Variants in SOX5 observed in about 807,000 individuals in gnomAD.
SOX5 encodes SRY-box transcription factor 5, also known as transcription factor SOX-5.
Under a neutral mutation model 92.0 loss-of-function variants are expected in SOX5, and 9 were observed. That is an observed-to-expected ratio of 0.10 (90% confidence interval 0.06 to 0.17). SOX5 has a LOEUF of 0.17. Among genes scored for constraint, SOX5 ranks in the 10% least tolerant of loss-of-function variants. The pLI is 1.00. For synonymous variants in SOX5, 344 were observed against 336.3 expected (o/e 1.02, Z -0.25); for missense variants, 642 against 944.5 (o/e 0.68, Z 4.20).
intron 8 of SOX5, among the ~76,000 whole-genome samples, chr12:23,625,664 C>A (rs560296141): frequency 6.6e-6 from 1 of 152,120 alleles, no homozygotes; most frequent in Non-Finnish European, 1.5e-5. Context: ...GGCTGGTGTG[C>A]GGTGGCGTGA....
intron 2 of SOX5, among the ~76,000 whole-genome samples, chr12:23,854,685 G>C (rs999369410): frequency 6.6e-6 from 1 of 151,996 alleles, no homozygotes; most frequent in Non-Finnish European, 1.5e-5. Context: ...ATAAAGATGG[G>C]TTAAGCACAG....
intron 6 of SOX5, among the ~76,000 whole-genome samples, chr12:23,680,182 C>T (rs903189810): frequency 1.3e-5 from 2 of 151,138 alleles, no homozygotes; most frequent in African/African-American, 4.9e-5. Context: ...AAAAATTAGC[C>T]AGGTGTGGTG....
At chr12:24,559,778 T>C (rs1051372298) in intron 1 of SOX5, among the ~76,000 whole-genome samples, 9 of 152,172 alleles carry the variant, frequency 5.9e-5, no homozygotes, top group Non-Finnish European at 2.9e-5. Context: ...ACAGATAGCA[T>C]CTTTCCAAGT....
At chr12:23,656,759 A>G (rs1247159607) in intron 7 of SOX5, among the ~76,000 whole-genome samples, 1 of 151,764 alleles carries the variant, frequency 6.6e-6, no homozygotes, top group Non-Finnish European at 1.5e-5. Context: ...TCTATATCTA[A>G]ATATTTTTAT....
At chr12:23,670,032 C>A (rs1198723147) in intron 6 of SOX5, among the ~76,000 whole-genome samples, 3 of 151,940 alleles carry the variant, frequency 2.0e-5, no homozygotes, top group Admixed American at 1.3e-4. Flanking sequence ...AACAGTTCAA[C>A]AAAACGTGGA....
At chr12:24,409,564 A>G (rs1963675890) in intron 1 of SOX5, among the ~76,000 whole-genome samples, 1 of 152,156 alleles carries the variant, frequency 6.6e-6, no homozygotes, top group African/African-American at 2.4e-5. Flanking sequence ...ATAAATGTCC[A>G]GGAGTGCATT....
At chr12:24,460,496 G>C (rs768748638) in intron 1 of SOX5, 1 of 152,180 alleles carries the variant, frequency 6.6e-6, no homozygotes, top group Non-Finnish European at 1.5e-5. Flanking sequence ...ACTTCTGAAA[G>C]AATAAACTTG....
chr12:24,368,886 C>T (rs561075367), intron 1 of SOX5, among the ~76,000 whole-genome samples: 4 of 152,200 alleles, frequency 2.6e-5, no homozygotes, highest in South Asian at 2.1e-4. Context: ...TATCATTATA[C>T]TCTTTCAGTT....
intron 8 of SOX5, among the ~76,000 whole-genome samples, chr12:23,611,303 T>A (rs1489443698): frequency 6.6e-6 from 1 of 152,082 alleles, no homozygotes; most frequent in Non-Finnish European, 1.5e-5. Flanking sequence ...GGTTTATCCA[T>A]GTTTTCACAA....
intron 1 of SOX5, among the ~76,000 whole-genome samples, chr12:24,501,652 C>G (rs988748802): frequency 6.6e-6 from 1 of 151,944 alleles, no homozygotes; most frequent in African/African-American, 2.4e-5. Context: ...ATGGCAAGAC[C>G]CCATTTCTAC....
intron 3 of SOX5, among the ~76,000 whole-genome samples, chr12:24,273,172 T>C (rs1243819233): frequency 1.3e-5 from 2 of 152,176 alleles, no homozygotes; most frequent in Non-Finnish European, 2.9e-5. Context: ...GGCACAAGAA[T>C]CGCTTGAACC....
In SOX5 at chr12:24,022,920, G is replaced by A. The variant is rs1435305427; in HGVS notation, c.-1-126896C>T. 2.9e-5 allele frequency among the ~76,000 whole-genome samples: 3 copies of A among 104,002 alleles called. No individual in the cohort carries two copies. In the East Asian group the frequency reaches 1.1e-3, roughly 39 times the overall value. The allele number at this position is 104,002 out of a possible 152,430, so 68.2% of individuals were successfully genotyped here. A position where few individuals can be genotyped will look rare whatever the true frequency, so the allele number is the denominator to read the frequency against. On this transcript the variant is annotated intron_variant, in intron 4 of 4. Coordinates refer to the SOX5 transcript ENST00000446891. ...CCCCCAACAAAACTTCTGACCATGG[G>A]TAAAAAAAAAAAACTGGCATGCTTT...
chr12:23,591,855 G>A (rs941503735), intron 9 of SOX5, among the ~76,000 whole-genome samples: 1 of 151,818 alleles, frequency 6.6e-6, no homozygotes, highest in Non-Finnish European at 1.5e-5. Context: ...TTTTTCTTAT[G>A]TTATTTGAAG....
chr12:23,602,236 C>T (rs887058561), intron 9 of SOX5, among the ~76,000 whole-genome samples: 42 of 152,224 alleles, frequency 2.8e-4, no homozygotes, highest in African/African-American at 9.9e-4. Flanking sequence ...AGATTTCTGA[C>T]ACTACTGAAA....
chr12:24,117,495 T>A (rs992025105), intron 4 of SOX5, among the ~76,000 whole-genome samples: 1 of 152,202 alleles, frequency 6.6e-6, no homozygotes, highest in Non-Finnish European at 1.5e-5. Flanking sequence ...GAAATCACTA[T>A]GTCAAAGGAA....
intron 1 of SOX5, among the ~76,000 whole-genome samples, chr12:23,926,058 T>C (rs1358470812): frequency 6.6e-6 from 1 of 152,082 alleles, no homozygotes; most frequent in Non-Finnish European, 1.5e-5. Flanking sequence ...ATAATCAATT[T>C]GATAGTTCCA....
At chr12:23,608,889 TATAGC>T (rs772357843) in intron 8 of SOX5, among the ~76,000 whole-genome samples, 1 of 152,168 alleles carries the variant, frequency 6.6e-6, no homozygotes, top group Non-Finnish European at 1.5e-5. Context: ...CTATTATTGA[TATAGC>T]AGAGGAGAGA....
chr12:23,872,428 A>G (rs935428561), intron 2 of SOX5, among the ~76,000 whole-genome samples: 10 of 151,918 alleles, frequency 6.6e-5, no homozygotes, highest in African/African-American at 2.4e-4. Flanking sequence ...ACAAGCACAC[A>G]TGTCACCAGA....
chr12:23,760,967 T>A (rs1413590350), intron 3 of SOX5, among the ~76,000 whole-genome samples: 1 of 152,140 alleles, frequency 6.6e-6, no homozygotes, highest in Non-Finnish European at 1.5e-5. Flanking sequence ...ATATTTGACT[T>A]TTAAACAAAG....
Sources: allele counts gnomAD v4.1 joint callset (sites outside exome capture counted in the v4.1 genomes callset), GRCh38; gene constraint gnomAD v4.1.1; transcripts MANE v1.5; gene names NCBI Gene and HGNC (gene_info 2026-07-23, HGNC 2026-07-21).